Variants in TDO2 observed in about 807,000 individuals in gnomAD.
TDO2 encodes the protein tryptophan 2,3-dioxygenase, also known as tryptamin 2,3-dioxygenase.
Under a neutral mutation model 61.2 loss-of-function variants are expected in TDO2, and 63 were observed. The ratio of observed to expected loss-of-function variants is 1.03; its 90% confidence interval spans 0.84 to 1.27. The LOEUF (loss-of-function observed/expected upper bound fraction) is 1.27, where lower values mean the gene tolerates loss of function less well. Among genes scored for constraint, TDO2 ranks in the 50% most tolerant of loss-of-function variants. The pLI is 0.00. For missense variants in TDO2, 494 were observed against 469.5 expected, an observed-to-expected ratio of 1.05 and a Z score of -0.48; for synonymous variants, 183 against 164.0, an observed-to-expected ratio of 1.12 and a Z score of -0.89.
chr4:155,908,740 T>TTA (rs1742764098), intron 4 of TDO2, 147 bp from the exon 5 acceptor site: 1 of 940,320 alleles, frequency 1.1e-6, no homozygotes, highest in African/African-American at 1.7e-5. Flanking sequence ...TTCAGAACTG[T>TTA]TATATACTCT....
chr4:155,915,966 A>C (rs1326488139), intron 9 of TDO2, 54 bp downstream of exon 9: 2 of 1,425,768 alleles, frequency 1.4e-6, no homozygotes, highest in East Asian at 4.7e-5. Context: ...GGATATGGAT[A>C]ACATGTCCAG....
At chr4:155,911,903 G>T (rs958192327) in intron 7 of TDO2, among the ~76,000 whole-genome samples, 2 of 151,994 alleles carry the variant, frequency 1.3e-5, no homozygotes, top group Non-Finnish European at 2.9e-5. Context: ...ACAGAACTAG[G>T]CCCACAGTGG....
At chr4:155,910,336 G>A (rs918149983) in intron 6 of TDO2, 125 bp downstream of exon 6, 5 of 660,436 alleles carry the variant, frequency 7.6e-6, no homozygotes, top group Non-Finnish European at 1.2e-5. Context: ...AGGATAGAAA[G>A]AATTCATAAA....
At position 155,911,579 on chromosome 4, in the gene TDO2, T is replaced by G. The variant is rs145263718; in HGVS notation, c.701T>G (p.Leu234Arg). The G allele has an allele frequency of 3.8e-6, 6 of 1,588,946 alleles. No individual in the cohort carries two copies. The African/African-American group carries it at 8.1e-5, about 21-fold the overall frequency. ...CTTGAAAAAAATATCACCAGAGGCCTGGAAGAGGAATTCATAAGGATTCAG... is the reference window on the plus strand; with the variant it reads ...CTTGAAAAAAATATCACCAGAGGCCGGGAAGAGGAATTCATAAGGATTCAG... ...GKLEKNITRG[L>R]EEEFIRIQAK... Residue 234 changes from leucine to arginine, a missense_variant, in exon 7 of 12, where the codon CTG (leucine) becomes CGG (arginine). Coordinates refer to ENST00000536354, the MANE Select transcript of TDO2 (RefSeq NM_005651.4).
intron 8 of TDO2, 130 bp downstream of exon 8, chr4:155,914,564 A>C (rs1742896074): frequency 1.6e-6 from 1 of 606,626 alleles, no homozygotes; most frequent in Non-Finnish European, 2.6e-6. Context: ...TGATAGAAAC[A>C]AAAATGGAGT....
chr4:155,904,361 TG>T (rs775233595), intron 2 of TDO2, among the ~76,000 whole-genome samples: 2 of 152,192 alleles, frequency 1.3e-5, no homozygotes, highest in Non-Finnish European at 2.9e-5. Context: ...ATCCAGAATC[TG>T]GGAGGCGTAT....
At chr4:155,916,420 G>T (rs1434754393) in intron 9 of TDO2, among the ~76,000 whole-genome samples, 1 of 1,922 alleles carries the variant, frequency 5.2e-4, no homozygotes, top group Non-Finnish European at 8.2e-3. Flanking sequence ...GGCCCGCCTC[G>T]GCCTCCCAAA....
At position 155,910,142 on chromosome 4, in the gene TDO2, C is replaced by T; in HGVS notation, c.549C>T (p.Asn183=). Residue 183 remains asparagine, a synonymous_variant, in exon 6 of 12, where the codon AAC becomes AAT. Coordinates refer to ENST00000536354, the MANE Select transcript of TDO2 (RefSeq NM_005651.4). ...VPYNRRHYRD[N]FKGEENELLL... ...ATAACAGAAGACATTATCGTGATAA[C>T]TTCAAAGGAGAAGAAAATGAACTGC... 1 of 1,598,000 alleles carries T rather than the reference C, an allele frequency of 6.3e-7. No homozygotes were observed. The highest frequency in any genetic ancestry group is 8.5e-7 in the Non-Finnish European group (1 of 1,174,692).
intron 5 of TDO2, 103 bp downstream of exon 5, chr4:155,909,117 T>C (rs553233621): frequency 1.6e-6 from 2 of 1,240,252 alleles, no homozygotes; most frequent in East Asian, 2.7e-5. Flanking sequence ...GAGCCTGTCT[T>C]ACTAACATTT....
At position 155,903,732 on chromosome 4, in the gene TDO2, G is replaced by A. The variant is rs377146366; in HGVS notation, c.-27G>A. 2.4e-5 allele frequency: 39 copies of A among 1,613,994 alleles called. No individual in the cohort carries two copies. The highest frequency in any genetic ancestry group is 3.3e-5 in the Admixed American group (2 of 59,962). On this transcript the variant is annotated 5_prime_UTR_variant, in exon 1 of 12. The change creates a new upstream start codon in the 5' untranslated region. Coordinates refer to ENST00000536354, the MANE Select transcript of TDO2 (RefSeq NM_005651.4). ...AGCATCTGCCTAGAGTCAAACCTCC[G>A]TGCTTCTCAGACAGTGCCTTTTCAC...
chr4:155,904,171 C>A, intron 2 of TDO2, 48 bp downstream of exon 2: 3 of 1,320,218 alleles, frequency 2.3e-6, no homozygotes, highest in South Asian at 1.3e-5. Context: ...GTTAGGCACT[C>A]AATTCTGCCA....
chr4:155,907,863 G>A (rs1742748424), intron 4 of TDO2, 71 bp downstream of exon 4: 1 of 1,171,892 alleles, frequency 8.5e-7, no homozygotes, highest in Non-Finnish European at 1.3e-6. Context: ...ATTAATGAGA[G>A]AAAAACATTA....
chr4:155,920,317 A>C lies in TDO2; in HGVS notation c.*327A>C, dbSNP rs954979825. ...TAAACTTGTAAACTTCATCTATTTC[A>C]AATATTTTATGCAGTACATTATATT... On this transcript the variant is annotated 3_prime_UTR_variant, in exon 12 of 12. Transcript: ENST00000536354. The C allele has an allele frequency of 3.7e-6, 1 of 268,186 alleles. No homozygotes were observed. The highest frequency in any genetic ancestry group is 2.3e-5 in the African/African-American group (1 of 43,950). The allele number at this position is 268,186 out of a possible 1,614,324, so 16.6% of individuals were successfully genotyped here. A position where few individuals can be genotyped will look rare whatever the true frequency, so the allele number is the denominator to read the frequency against.
At chr4:155,911,151 A>C (rs1239851521) in intron 6 of TDO2, among the ~76,000 whole-genome samples, 1 of 151,988 alleles carries the variant, frequency 6.6e-6, no homozygotes, top group Non-Finnish European at 1.5e-5. Context: ...TATATTAGTA[A>C]AATAATTATT....
intron 10 of TDO2, among the ~76,000 whole-genome samples, 182 bp downstream of exon 10, chr4:155,917,656 C>T (rs988300449): frequency 6.6e-6 from 1 of 152,098 alleles, no homozygotes; most frequent in Non-Finnish European, 1.5e-5. Flanking sequence ...TATTCATATA[C>T]ACACTAGGCA....
In TDO2 at chr4:155,908,949, GAA is replaced by G. The variant is rs765902186; in HGVS notation, c.368_369del (p.Lys123ThrfsTer19). 13 of 1,613,242 alleles carry G rather than the reference GAA, an allele frequency of 8.1e-6. No homozygotes were observed. The South Asian group carries it at 1.1e-4, about 14-fold the overall frequency. On this transcript the variant is annotated frameshift_variant, in exon 5 of 12. Transcript: ENST00000536354. LOFTEE classifies it high-confidence loss of function. The stretch of plus-strand genomic sequence containing the variant: ...GGATGCACCGAGTGTCAGTGATCCT[GAA>G]ACTGCTGGTGCAGCAGTTTTCCATT... ...SRMHRVSVIL[K>X]LLVQQFSILE...
At chr4:155,918,119 T>C (rs983232079) in intron 10 of TDO2, 30 bp from the exon 11 acceptor site, 2 of 1,601,938 alleles carry the variant, frequency 1.2e-6, no homozygotes, top group African/African-American at 1.3e-5. Flanking sequence ...TGGAAAAATA[T>C]CCATGGAGTA....
chr4:155,916,045 A>G (rs1742926421), intron 9 of TDO2, 133 bp downstream of exon 9: 1 of 719,676 alleles, frequency 1.4e-6, no homozygotes, highest in African/African-American at 1.9e-5. Flanking sequence ...CTTGGAAGAT[A>G]ATTAGTAATG....
Position 155,920,032 on chromosome 4 carries a change from T to C in TDO2, c.*42T>C, listed in dbSNP as rs779576557. 2.5e-6 allele frequency: 4 copies of C among 1,577,054 alleles called. No homozygotes were observed. The Admixed American group carries it at 5.3e-5, about 21-fold the overall frequency. On this transcript the variant is annotated 3_prime_UTR_variant, in exon 12 of 12. Transcript: ENST00000536354. ...TATGAAGAATACTGGTTTCACAGCCTATTTTTTATTTTCTATGGATTTTCA... is the reference window on the plus strand; with the variant it reads ...TATGAAGAATACTGGTTTCACAGCCCATTTTTTATTTTCTATGGATTTTCA...
Sources: allele counts gnomAD v4.1 joint callset (sites outside exome capture counted in the v4.1 genomes callset), GRCh38; gene constraint gnomAD v4.1.1; transcripts MANE v1.5; gene names NCBI Gene and HGNC (gene_info 2026-07-23, HGNC 2026-07-21).